The following MBNL2 variants were observed in gnomAD, a reference collection of about 807,000 sequenced individuals.
MBNL2 encodes the protein muscleblind-like protein 2.
A neutral mutation model predicts 41.9 loss-of-function variants in MBNL2; 17 were observed. The ratio of observed to expected loss-of-function variants is 0.41; its 90% CI spans 0.28 to 0.61. The LOEUF (loss-of-function observed/expected upper bound fraction) is 0.61. MBNL2 is among the 20% of genes least tolerant of loss of function. The pLI, the probability that MBNL2 is intolerant of heterozygous loss-of-function variation, is 0.35. For missense variants in MBNL2, 336 were observed against 505.6 expected, an observed-to-expected ratio of 0.66 and a Z score of 3.22; for synonymous variants, 195 against 182.9, an observed-to-expected ratio of 1.07 and a Z score of -0.53.
intron 5 of MBNL2, among the ~76,000 whole-genome samples, chr13:97,354,894 G>C (rs915488394): frequency 3.3e-5 from 5 of 152,150 alleles, no homozygotes; most frequent in Admixed American, 1.3e-4. Context: ...AAATGATTTT[G>C]AGTTTAACGA....
intron 8 of MBNL2, among the ~76,000 whole-genome samples, chr13:97,379,207 T>C (rs1353519779): frequency 6.6e-6 from 1 of 152,154 alleles, no homozygotes; most frequent in African/African-American, 2.4e-5. Flanking sequence ...ATATCAGAAA[T>C]GGTGTGAAAA....
the MBNL2 span, among the ~76,000 whole-genome samples, chr13:97,193,230 G>T: frequency 6.6e-6 from 1 of 152,216 alleles, no homozygotes. Flanking sequence ...GCGGACCAAT[G>T]CATTCTCTGA....
the MBNL2 span, among the ~76,000 whole-genome samples, chr13:97,168,220 T>C: frequency 6.6e-6 from 1 of 152,190 alleles, no homozygotes; most frequent in Admixed American, 6.5e-5. Context: ...CACCTCAGCC[T>C]CTCAAAGTGC....
At chr13:97,307,720 G>A (rs1349353340) in intron 2 of MBNL2, among the ~76,000 whole-genome samples, 1 of 152,144 alleles carries the variant, frequency 6.6e-6, no homozygotes, top group Non-Finnish European at 1.5e-5. Context: ...GGATATTCAT[G>A]ACATTTTTGC....
chr13:97,383,377 C>CA (rs1356750262), intron 8 of MBNL2, among the ~76,000 whole-genome samples: 4 of 152,212 alleles, frequency 2.6e-5, no homozygotes, highest in African/African-American at 9.6e-5. Flanking sequence ...TCTAAGTTGT[C>CA]AATGTGAACC....
At chr13:97,232,414 A>G (rs1398092140) in intron 1 of MBNL2, among the ~76,000 whole-genome samples, 1 of 152,204 alleles carries the variant, frequency 6.6e-6, no homozygotes, top group East Asian at 1.9e-4. Context: ...ACATTTATTG[A>G]ATTTATTGAG....
At chr13:97,351,201 A>G (rs2062417185) in intron 5 of MBNL2, among the ~76,000 whole-genome samples, 1 of 152,200 alleles carries the variant, frequency 6.6e-6, no homozygotes, top group African/African-American at 2.4e-5. Flanking sequence ...TTTTCTGAGC[A>G]GTAGGTCTCA....
At chr13:97,154,306 T>C in the MBNL2 span, among the ~76,000 whole-genome samples, 1 of 151,956 alleles carries the variant, frequency 6.6e-6, no homozygotes, top group Non-Finnish European at 1.5e-5. Context: ...TACCCGTTGG[T>C]TTTTTGTTTT....
rs1048969431 is a variant in MBNL2, at chr13:97,391,693, C to T, written c.*244C>T. 2.1e-5 allele frequency: 8 copies of T among 376,170 alleles called. No homozygotes were observed. The highest frequency in any genetic ancestry group is 1.5e-4 in the African/African-American group (7 of 47,126). 23.3% of individuals were successfully genotyped at this position (376,170 alleles called of 1,614,324 possible). On this transcript the variant is annotated 3_prime_UTR_variant, in exon 9 of 9. Transcript: ENST00000679496. The stretch of plus-strand genomic sequence containing the variant: ...CTATAGCTGATGCAGAAAGTCCAGC[C>T]AGTTTACTCATTTCGATTCAGAATA...
At chr13:97,257,129 A>T (rs865993199) in intron 1 of MBNL2, among the ~76,000 whole-genome samples, 9 of 152,088 alleles carry the variant, frequency 5.9e-5, no homozygotes, top group Admixed American at 1.3e-4. Flanking sequence ...TCTGCATACC[A>T]GTAAAAGGTA....
the MBNL2 span, among the ~76,000 whole-genome samples, chr13:97,195,393 T>A: frequency 2.6e-5 from 4 of 152,168 alleles, no homozygotes; most frequent in Non-Finnish European, 5.9e-5. Flanking sequence ...TGCTCTCCTG[T>A]AGACTGTGTG....
At chr13:97,167,287 T>C in the MBNL2 span, among the ~76,000 whole-genome samples, 1 of 152,188 alleles carries the variant, frequency 6.6e-6, no homozygotes, top group South Asian at 2.1e-4. Context: ...GGTAGATGAA[T>C]TGCTGTCAGA....
chr13:97,349,350 C>A (rs1022287861), intron 5 of MBNL2, among the ~76,000 whole-genome samples: 4 of 152,108 alleles, frequency 2.6e-5, no homozygotes, highest in Admixed American at 6.6e-5. Context: ...CAAATGAGAT[C>A]TTTTACACAT....
At chr13:97,144,420 C>CTTTTTTTTTTTT in the MBNL2 span, among the ~76,000 whole-genome samples, 3 of 87,608 alleles carry the variant, frequency 3.4e-5, no homozygotes, top group African/African-American at 1.7e-4. Flanking sequence ...AGACATGATA[C>CTTTTTTTTTTTT]TTCTTTTTTT....
At chr13:97,309,174 G>A (rs1403625224) in intron 2 of MBNL2, among the ~76,000 whole-genome samples, 2 of 152,164 alleles carry the variant, frequency 1.3e-5, no homozygotes, top group East Asian at 1.9e-4. Flanking sequence ...GAGCTTGCAC[G>A]CCCAAGTGAG....
chr13:97,324,296 A>T (rs964689763), intron 2 of MBNL2, among the ~76,000 whole-genome samples: 3 of 152,148 alleles, frequency 2.0e-5, no homozygotes, highest in African/African-American at 7.2e-5. Context: ...GGTTCAATAC[A>T]TATTTGTTGA....
chr13:97,290,549 G>A (rs949806071), intron 2 of MBNL2, among the ~76,000 whole-genome samples: 2 of 152,030 alleles, frequency 1.3e-5, no homozygotes, highest in African/African-American at 4.8e-5. Context: ...GGTGGCGGGC[G>A]CCTGTAGTCC....
intron 1 of MBNL2, among the ~76,000 whole-genome samples, chr13:97,234,425 A>G (rs2042916141): frequency 6.6e-6 from 1 of 152,124 alleles, no homozygotes; most frequent in South Asian, 2.1e-4. Flanking sequence ...TGAACCTTGA[A>G]CCAGCTGTGA....
upstream of MBNL2, among the ~76,000 whole-genome samples, chr13:97,221,729 T>C (rs1282170901): frequency 6.6e-6 from 1 of 152,160 alleles, no homozygotes; most frequent in Admixed American, 6.5e-5. Flanking sequence ...AGACGAAAGA[T>C]AAATGGGCCG....
Sources: allele counts gnomAD v4.1 joint callset (sites outside exome capture counted in the v4.1 genomes callset), GRCh38; gene constraint gnomAD v4.1.1; transcripts MANE v1.5; gene names NCBI Gene and HGNC (gene_info 2026-07-23, HGNC 2026-07-21).